RPS6KA5: variants seen among roughly 807,000 people sequenced by gnomAD.
The protein encoded by RPS6KA5 is ribosomal protein S6 kinase alpha-5.
Under a neutral mutation model 85.5 loss-of-function variants are expected in RPS6KA5, and 27 were observed. That is an observed-to-expected ratio of 0.32 (90% CI 0.23 to 0.44). RPS6KA5 has a LOEUF of 0.44. RPS6KA5 is among the 20% of genes least tolerant of loss of function. The probability of loss-of-function intolerance (pLI) is 1.00; values close to 1 mark genes in which losing one functional copy is unlikely to be tolerated. For synonymous variants in RPS6KA5, 334 were observed against 348.2 expected (o/e 0.96, Z 0.46); for missense variants, 811 against 980.9 (o/e 0.83, Z 2.31).
chr14:90,987,448 T>C (rs909135778), intron 2 of RPS6KA5, among the ~76,000 whole-genome samples: 1 of 152,150 alleles, frequency 6.6e-6, no homozygotes, highest in African/African-American at 2.4e-5. Flanking sequence ...GAAACAAGTA[T>C]GTCTCATTTA....
At chr14:90,982,824 C>A (rs967367534) in intron 2 of RPS6KA5, among the ~76,000 whole-genome samples, 2 of 151,432 alleles carry the variant, frequency 1.3e-5, no homozygotes, top group African/African-American at 2.4e-5. Context: ...ACTAAAAATA[C>A]AAAAGTTGGC....
At chr14:91,057,040 C>T (rs1442643769) in intron 1 of RPS6KA5, among the ~76,000 whole-genome samples, 2 of 151,360 alleles carry the variant, frequency 1.3e-5, no homozygotes, top group African/African-American at 4.9e-5. Flanking sequence ...CCACCATGCC[C>T]AGCTAATTTT....
intron 5 of RPS6KA5, among the ~76,000 whole-genome samples, chr14:90,929,907 G>T (rs1442274705): frequency 3.9e-5 from 6 of 152,108 alleles, no homozygotes; most frequent in African/African-American, 1.4e-4. Flanking sequence ...GTCTTGCTCT[G>T]TTGTCTAGGC....
At chr14:90,911,598 A>C (rs2035820051) in intron 7 of RPS6KA5, 2 of 152,204 alleles carry the variant, frequency 1.3e-5, no homozygotes, top group Admixed American at 6.5e-5. Context: ...GGGAAAAGTG[A>C]AACATATTAT....
intron 4 of RPS6KA5, among the ~76,000 whole-genome samples, chr14:90,945,536 G>A (rs540436603): frequency 9.9e-5 from 15 of 152,238 alleles, no homozygotes; most frequent in East Asian, 9.7e-4. Context: ...GCTTTATCAA[G>A]ATTAACATTG....
chr14:90,911,631 T>C (rs1009323526), intron 7 of RPS6KA5, among the ~76,000 whole-genome samples: 1 of 152,176 alleles, frequency 6.6e-6, no homozygotes, highest in East Asian at 1.9e-4. Flanking sequence ...CAATAGTACA[T>C]TAAGCAGCCA....
intron 3 of RPS6KA5, among the ~76,000 whole-genome samples, chr14:90,960,198 AT>A (rs1486657157): frequency 6.6e-6 from 1 of 152,178 alleles, no homozygotes; most frequent in Non-Finnish European, 1.5e-5. Context: ...ACTACCGAGA[AT>A]GTGCTAAAAC....
intron 2 of RPS6KA5, among the ~76,000 whole-genome samples, chr14:90,993,984 G>A (rs985485252): frequency 6.6e-6 from 1 of 151,872 alleles, no homozygotes; most frequent in Non-Finnish European, 1.5e-5. Context: ...AACCTCCCAG[G>A]CTCAGACAAC....
At chr14:90,962,299 T>C (rs952173264) in intron 3 of RPS6KA5, among the ~76,000 whole-genome samples, 2 of 93,704 alleles carry the variant, frequency 2.1e-5, no homozygotes, top group South Asian at 4.2e-4. Context: ...AAAAAACTTA[T>C]CTTGGCACAG....
chr14:90,934,033 C>A (rs1318668448), intron 5 of RPS6KA5, among the ~76,000 whole-genome samples: 1 of 152,134 alleles, frequency 6.6e-6, no homozygotes. Flanking sequence ...CTCTTCTCAC[C>A]CTATTCCCTA....
rs150913117 is a variant in RPS6KA5, at chr14:90,958,055, G to A, written c.395-10505C>T. On this transcript the variant is annotated intron_variant, in intron 3 of 16. Coordinates refer to ENST00000614987, the MANE Select transcript of RPS6KA5 (RefSeq NM_004755.4). ...CTCAGGAGGCTGAGCCAGGAGGATC[G>A]CTTGAGCCCAGGAGGTCAAGGCTGC... is the stretch of plus-strand genomic sequence containing the variant. Among the ~76,000 whole-genome samples, 117 of 152,194 alleles carry A rather than the reference G, an allele frequency of 7.7e-4. 1 individual carries two copies. The East Asian group carries it at 0.02, about 26-fold the overall frequency.
chr14:91,029,009 GTTA>G (rs1187200207), intron 1 of RPS6KA5, among the ~76,000 whole-genome samples: 2 of 152,096 alleles, frequency 1.3e-5, no homozygotes, highest in Non-Finnish European at 2.9e-5. Context: ...ATTTATAGTA[GTTA>G]TTATTTTGGG....
intron 1 of RPS6KA5, among the ~76,000 whole-genome samples, chr14:91,033,077 C>T (rs1157284514): frequency 6.6e-6 from 1 of 151,814 alleles, no homozygotes; most frequent in African/African-American, 2.4e-5. Context: ...GACCCAGCTA[C>T]TCGGGAGGCT....
chr14:91,030,391 C>T lies in RPS6KA5; in HGVS notation c.104-29232G>A, dbSNP rs139218914. Among the ~76,000 whole-genome samples the T allele has an allele frequency of 3.3e-4, 50 of 152,034 alleles. 1 individual carries two copies. The highest frequency in any genetic ancestry group is 3.3e-3 in the East Asian group (17 of 5,174). ...AGCAGAGAGCCAGGCTAATGTTCCC[C>T]AAGAAGTCCAGAGGATCCTTTTATG... On this transcript the variant is annotated intron_variant, in intron 1 of 16. Transcript: ENST00000614987.
At chr14:90,929,382 A>G (rs1275654184) in intron 5 of RPS6KA5, among the ~76,000 whole-genome samples, 1 of 152,132 alleles carries the variant, frequency 6.6e-6, no homozygotes, top group East Asian at 1.9e-4. Context: ...TCATCTATAC[A>G]AAAATCCAAG....
chr14:90,897,421 C>T (rs2034900168), intron 12 of RPS6KA5, among the ~76,000 whole-genome samples: 1 of 152,092 alleles, frequency 6.6e-6, no homozygotes, highest in South Asian at 2.1e-4. Context: ...TCATGGAGTA[C>T]GTGAAACGCA....
At chr14:90,895,546 T>C (rs1183565429) in intron 12 of RPS6KA5, among the ~76,000 whole-genome samples, 1 of 152,162 alleles carries the variant, frequency 6.6e-6, no homozygotes, top group East Asian at 1.9e-4. Context: ...ATCCTTTCTC[T>C]TCTTCTCCAC....
intron 1 of RPS6KA5, among the ~76,000 whole-genome samples, chr14:91,053,323 A>G (rs1206812980): frequency 6.6e-6 from 1 of 152,242 alleles, no homozygotes; most frequent in Non-Finnish European, 1.5e-5. Flanking sequence ...TGCTCTTGCA[A>G]GTTCTATTGA....
chr14:91,060,401 C>T lies in RPS6KA5; in HGVS notation c.34G>A (p.Ala12Thr). The change falls in exon 1 of 17, where the codon GCG becomes ACG. Residue 12 changes from alanine to threonine, a missense_variant. Ala to Thr is a moderately conservative substitution (Grantham distance 58, BLOSUM62 0). Transcript: ENST00000614987. ...TCGCCGCCGTCCGCGCTGGTCCCCG[C>T]GGCGCCGCCGCTGCTGCCACCCTCC... is the stretch of plus-strand genomic sequence containing the variant. ...EEEGGSSGGA[A>T]GTSADGGDGG... The T allele has an allele frequency of 6.6e-7, 1 of 1,507,814 alleles. No homozygotes were observed. The highest frequency in any genetic ancestry group is 8.9e-7 in the Non-Finnish European group (1 of 1,122,334). 93.4% of individuals were successfully genotyped at this position (1,507,814 alleles called of 1,614,324 possible). A position where few individuals can be genotyped will look rare whatever the true frequency, so the allele number is the denominator to read the frequency against.
Sources: allele counts gnomAD v4.1 joint callset (sites outside exome capture counted in the v4.1 genomes callset), GRCh38; gene constraint gnomAD v4.1.1; transcripts MANE v1.5; gene names NCBI Gene and HGNC (gene_info 2026-07-23, HGNC 2026-07-21).